The following GSE1 variants were observed in gnomAD, a reference collection of about 807,000 sequenced individuals.
The protein encoded by GSE1 is Gse1 coiled-coil protein.
GSE1 carries 32 observed loss-of-function variants against 112.6 expected under a neutral mutation model. That is an observed-to-expected ratio of 0.28 (90% confidence interval 0.21 to 0.38). The LOEUF is 0.38. Among genes scored for constraint, GSE1 ranks in the 10% least tolerant of loss-of-function variants. GSE1 has a pLI of 1.00. For missense variants in GSE1, 2,348 were observed against 1,699.2 expected, an observed-to-expected ratio of 1.38 and a Z score of -6.71; for synonymous variants, 1,115 against 735.6, an observed-to-expected ratio of 1.52 and a Z score of -8.35.
At chr16:85,469,468 C>G (rs760412165) in intron 2 of GSE1, among the ~76,000 whole-genome samples, 8 of 152,198 alleles carry the variant, frequency 5.3e-5, no homozygotes, top group Non-Finnish European at 8.8e-5. Flanking sequence ...GGTTGGACAT[C>G]TGGCCTCTGG....
rs536381006 is a variant in GSE1 at position 85,447,585 on chromosome 16, C to T, written c.2464+89942C>T. On this transcript the variant is annotated intron_variant, in intron 2 of 2. Coordinates refer to the GSE1 transcript ENST00000637419. ...ACCATCATGGGCCAGGCGCCTGCTC[C>T]GTGCCTGTTTCCTCATTTCACCCTC... is the stretch of plus-strand genomic sequence containing the variant. Among the ~76,000 whole-genome samples, 7 of 152,320 alleles carry T rather than the reference C, an allele frequency of 4.6e-5. No homozygotes were observed. The East Asian group carries it at 7.7e-4, about 17-fold the overall frequency.
intron 2 of GSE1, among the ~76,000 whole-genome samples, chr16:85,365,170 G>A (rs1479618520): frequency 1.3e-5 from 2 of 152,206 alleles, no homozygotes; most frequent in African/African-American, 4.8e-5. Context: ...CAGGGCTGGG[G>A]TCGGGGCTGT....
chr16:85,399,831 C>T lies in GSE1; in HGVS notation c.2464+42188C>T, dbSNP rs546299059. ...AGCCCCTGGCAGGTGGTGAGTGTTC[C>T]GTGAGTGCGGGCTGCGGTTATCATG... On this transcript the variant is annotated intron_variant, in intron 2 of 2. Transcript: ENST00000637419. 4.0e-3 allele frequency among the ~76,000 whole-genome samples: 613 copies of T among 152,322 alleles called. 1 individual carries two copies. The highest frequency in any genetic ancestry group is 0.018 in the South Asian group (87 of 4,822).
At position 85,382,316 on chromosome 16, in the gene GSE1, C is replaced by T. The variant is rs116425990; in HGVS notation, c.2464+24673C>T. ...ACCGTGACTGTGGTGGGGGCAGGGA[C>T]GGCCGCCTTGTAGTCACCAGACCCT... is the stretch of plus-strand genomic sequence containing the variant. On this transcript the variant is annotated intron_variant, in intron 2 of 2. Transcript: ENST00000637419. Among the ~76,000 whole-genome samples, 1,088 of 152,326 alleles carry T rather than the reference C, an allele frequency of 7.1e-3. 9 individuals carry two copies. The highest frequency in any genetic ancestry group is 0.025 in the African/African-American group (1,047 of 41,574).
intron 1 of GSE1, among the ~76,000 whole-genome samples, chr16:85,298,847 T>A (rs181961940): frequency 6.6e-6 from 1 of 152,330 alleles, no homozygotes; most frequent in Admixed American, 6.5e-5. Context: ...GGGCTAGAAC[T>A]TTCGGGAGTG....
chr16:85,404,126 AG>A lies in GSE1; in HGVS notation c.2464+46486del, dbSNP rs201191527. Among the ~76,000 whole-genome samples, 895 of 116,738 alleles carry A rather than the reference AG, an allele frequency of 7.7e-3. 13 individuals carry two copies. The highest frequency in any genetic ancestry group is 0.013 in the Non-Finnish European group (700 of 54,480). 76.6% of individuals were successfully genotyped at this position (116,738 alleles called of 152,430 possible). On this transcript the variant is annotated intron_variant, in intron 2 of 2. Transcript: ENST00000637419. ...CCGGATAATCCTCACTGTTACACTC[AG>A]GGCCCCCCTGGATAATCCACACCGT... is the stretch of plus-strand genomic sequence containing the variant.
chr16:85,525,039 G>A (rs941046703), intron 2 of GSE1, among the ~76,000 whole-genome samples: 2 of 152,284 alleles, frequency 1.3e-5, no homozygotes, highest in Middle Eastern at 3.4e-3. Flanking sequence ...CTGGCTGCCC[G>A]CAGCCTCTGC....
chr16:85,212,185 C>T (rs1003365027), intron 1 of GSE1, among the ~76,000 whole-genome samples: 1 of 152,204 alleles, frequency 6.6e-6, no homozygotes, highest in Non-Finnish European at 1.5e-5. Context: ...ACCGGCAGAA[C>T]ACTTGAGGTC....
chr16:85,225,252 CT>C (rs2075464608), intron 1 of GSE1, among the ~76,000 whole-genome samples: 1 of 152,220 alleles, frequency 6.6e-6, no homozygotes, highest in Non-Finnish European at 1.5e-5. Context: ...AGCAGACACT[CT>C]GGGAGGACTG....
upstream of GSE1, chr16:85,554,965 C>G: frequency 1.0e-6 from 1 of 985,412 alleles, no homozygotes; most frequent in South Asian, 4.7e-5. Flanking sequence ...GCGAGCCCGG[C>G]TTCCTGCGCC....
At chr16:85,269,553 T>A (rs1908615922) in intron 1 of GSE1, among the ~76,000 whole-genome samples, 1 of 149,358 alleles carries the variant, frequency 6.7e-6, no homozygotes, top group Admixed American at 6.7e-5. Context: ...GCAAATGGCC[T>A]GTGGGGCTGG....
intron 1 of GSE1, chr16:85,279,051 C>T (rs1396402810): frequency 6.6e-6 from 1 of 152,288 alleles, no homozygotes; most frequent in African/African-American, 2.4e-5. Flanking sequence ...CGGTTATCGT[C>T]CTTGATAGGG....
chr16:85,191,577 G>A (rs780239893), intron 1 of GSE1, among the ~76,000 whole-genome samples: 26 of 152,094 alleles, frequency 1.7e-4, no homozygotes, highest in Non-Finnish European at 3.2e-4. Flanking sequence ...TTTCCCCCTC[G>A]GCATGTTCAG....
At chr16:85,256,166 G>A (rs1194666264) in intron 1 of GSE1, among the ~76,000 whole-genome samples, 2 of 152,046 alleles carry the variant, frequency 1.3e-5, no homozygotes, top group Non-Finnish European at 2.9e-5. Flanking sequence ...AACAGGGTGA[G>A]TTGGAGGCTC....
intron 1 of GSE1, among the ~76,000 whole-genome samples, chr16:85,326,057 T>A (rs930704736): frequency 6.6e-6 from 1 of 152,130 alleles, no homozygotes; most frequent in Admixed American, 6.5e-5. Context: ...CAGTCAATTT[T>A]AAAAATACGT....
At chr16:85,495,197 G>A (rs1430688900) in intron 2 of GSE1, among the ~76,000 whole-genome samples, 33 of 152,212 alleles carry the variant, frequency 2.2e-4, no homozygotes, top group Non-Finnish European at 2.9e-5. Flanking sequence ...CGAAAGCCAA[G>A]GTTGGGGTCC....
At chr16:85,509,791 G>T (rs769078165) in intron 2 of GSE1, among the ~76,000 whole-genome samples, 1 of 152,202 alleles carries the variant, frequency 6.6e-6, no homozygotes, top group African/African-American at 2.4e-5. Flanking sequence ...ATGTGTGTGT[G>T]TGAGTCCCTT....
chr16:85,183,956 G>A (rs371648849), intron 1 of GSE1, among the ~76,000 whole-genome samples: 12 of 152,292 alleles, frequency 7.9e-5, no homozygotes, highest in African/African-American at 2.4e-4. Flanking sequence ...CACAGACCAA[G>A]CTCCCAGTAA....
chr16:85,482,001 C>A (rs992593550), intron 2 of GSE1, among the ~76,000 whole-genome samples: 2 of 152,270 alleles, frequency 1.3e-5, no homozygotes, highest in African/African-American at 2.4e-5. Flanking sequence ...CGGGACTACG[C>A]CCCTTGCAGG....
Sources: allele counts gnomAD v4.1 joint callset (sites outside exome capture counted in the v4.1 genomes callset), GRCh38; gene constraint gnomAD v4.1.1; transcripts MANE v1.5; gene names NCBI Gene and HGNC (gene_info 2026-07-23, HGNC 2026-07-21).